SHISA9: variants seen among roughly 807,000 people sequenced by gnomAD.
SHISA9 encodes the protein protein shisa-9.
SHISA9 carries 13 observed loss-of-function variants against 38.0 expected under a neutral mutation model. The observed-to-expected ratio is 0.34, with a 90% CI of 0.22 to 0.54. The LOEUF (loss-of-function observed/expected upper bound fraction) is 0.54, where lower values mean the gene tolerates loss of function less well. Ranked by LOEUF, SHISA9 falls within the 20% of genes least tolerant of loss-of-function variation. The probability of loss-of-function intolerance (pLI) is 0.91; values close to 1 mark genes in which losing one functional copy is unlikely to be tolerated. For missense variants in SHISA9, 538 were observed against 575.8 expected (o/e 0.93, Z 0.67); for synonymous variants, 275 against 242.0 (o/e 1.14, Z -1.27).
chr16:13,471,591 A>G, the SHISA9 span, among the ~76,000 whole-genome samples: 7 of 152,270 alleles, frequency 4.6e-5, no homozygotes, highest in East Asian at 5.8e-4. Context: ...GAATGCATCA[A>G]TTGAGGTGGC....
chr16:13,279,896 A>G, the SHISA9 span, among the ~76,000 whole-genome samples: 1 of 151,994 alleles, frequency 6.6e-6, no homozygotes, highest in East Asian at 1.9e-4. Context: ...CAATTTTGTT[A>G]GGATGTATAG....
Position 13,022,435 on chromosome 16 carries a change from G to A in SHISA9, c.691+105620G>A, listed in dbSNP as rs149432417. On this transcript the variant is annotated intron_variant, in intron 2 of 4. Transcript: ENST00000558583. ...CAACCTCTGCCTCCCGGGTTCACGC[G>A]ATTCTCCTGCCTCAGCCTCCCAAGT... Among the ~76,000 whole-genome samples the A allele has an allele frequency of 6.6e-3, 1,005 of 152,072 alleles. 7 individuals are homozygous for A. The highest frequency in any genetic ancestry group is 0.021 in the Middle Eastern group (6 of 290).
chr16:13,192,523 A>C (rs1443809364), intron 2 of SHISA9, among the ~76,000 whole-genome samples: 5 of 152,010 alleles, frequency 3.3e-5, no homozygotes, highest in African/African-American at 4.8e-5. Context: ...AACCAAGCTG[A>C]AGAGGCAAGC....
the SHISA9 span, among the ~76,000 whole-genome samples, chr16:13,472,582 T>C: frequency 2.3e-4 from 35 of 151,844 alleles, no homozygotes; most frequent in East Asian, 2.7e-3. Flanking sequence ...TTAGTAGAGA[T>C]GGGGTTTCAC....
the SHISA9 span, among the ~76,000 whole-genome samples, chr16:13,391,516 T>A: frequency 6.6e-6 from 1 of 152,212 alleles, no homozygotes; most frequent in Non-Finnish European, 1.5e-5. Flanking sequence ...TGCCGTGCCA[T>A]CTGCAGTCAA....
At chr16:13,395,912 G>T in the SHISA9 span, among the ~76,000 whole-genome samples, 1 of 152,166 alleles carries the variant, frequency 6.6e-6, no homozygotes, top group African/African-American at 2.4e-5. Context: ...TAGGTAACGT[G>T]TTCAGGGTCA....
the SHISA9 span, among the ~76,000 whole-genome samples, chr16:13,489,189 A>G: frequency 2.6e-5 from 4 of 151,986 alleles, no homozygotes; most frequent in Non-Finnish European, 5.9e-5. Flanking sequence ...CTGGGATTAC[A>G]AGCGCATGCC....
At chr16:13,416,637 A>G in the SHISA9 span, among the ~76,000 whole-genome samples, 1 of 151,958 alleles carries the variant, frequency 6.6e-6, no homozygotes, top group Non-Finnish European at 1.5e-5. Flanking sequence ...GCTTGAATCC[A>G]GGAGTTCGAG....
chr16:13,079,132 C>G (rs1223113571), intron 2 of SHISA9, among the ~76,000 whole-genome samples: 1 of 152,118 alleles, frequency 6.6e-6, no homozygotes, highest in East Asian at 1.9e-4. Flanking sequence ...GGCATGGAAC[C>G]TATGTGAAAT....
the SHISA9 span, among the ~76,000 whole-genome samples, chr16:13,251,523 T>A: frequency 6.6e-6 from 1 of 152,086 alleles, no homozygotes; most frequent in South Asian, 2.1e-4. Context: ...GAGAGGGGTA[T>A]TGGAGATTAG....
intron 2 of SHISA9, among the ~76,000 whole-genome samples, chr16:13,081,467 A>G (rs2073648875): frequency 6.6e-6 from 1 of 152,170 alleles, no homozygotes; most frequent in Admixed American, 6.5e-5. Flanking sequence ...ATTATAAATT[A>G]TTTAGGTAGA....
chr16:13,504,236 T>G, the SHISA9 span, among the ~76,000 whole-genome samples: 1 of 152,094 alleles, frequency 6.6e-6, no homozygotes, highest in African/African-American at 2.4e-5. Flanking sequence ...AATACCCAAA[T>G]TGCAGTAAGA....
chr16:13,073,956 CGTTTTTTTTTTT>C (rs1202713238), intron 2 of SHISA9, among the ~76,000 whole-genome samples: 88 of 110,160 alleles, frequency 8.0e-4, no homozygotes, highest in African/African-American at 3.2e-3. Flanking sequence ...TTCTGCTGGT[CGTTTTTTTTTTT>C]GTTTTTTTTT....
At chr16:13,357,610 G>C in the SHISA9 span, among the ~76,000 whole-genome samples, 1 of 152,326 alleles carries the variant, frequency 6.6e-6, no homozygotes, top group African/African-American at 2.4e-5. Context: ...CACCAAACAG[G>C]CTTTGTGTGA....
chr16:13,476,746 T>TTG, the SHISA9 span, among the ~76,000 whole-genome samples: 4 of 111,036 alleles, frequency 3.6e-5, no homozygotes, highest in East Asian at 3.5e-4. Flanking sequence ...GTGTTTTTTT[T>TTG]TTTTTTTTTT....
intron 2 of SHISA9, among the ~76,000 whole-genome samples, chr16:12,920,140 A>G (rs745831890): frequency 3.4e-5 from 5 of 148,668 alleles, no homozygotes; most frequent in Non-Finnish European, 7.4e-5. Flanking sequence ...TTCACAGCAC[A>G]CTTCTTGAAA....
At chr16:13,162,482 A>C (rs1363829111) in intron 2 of SHISA9, among the ~76,000 whole-genome samples, 1 of 152,216 alleles carries the variant, frequency 6.6e-6, no homozygotes, top group Admixed American at 6.5e-5. Context: ...CACTGCGCTG[A>C]GCATACAGTA....
chr16:13,454,570 C>T, the SHISA9 span, among the ~76,000 whole-genome samples: 2 of 152,144 alleles, frequency 1.3e-5, no homozygotes, highest in Admixed American at 1.3e-4. Context: ...GAGGAAGACT[C>T]AGGAAGAAAT....
At chr16:13,321,645 C>T in the SHISA9 span, among the ~76,000 whole-genome samples, 1 of 152,150 alleles carries the variant, frequency 6.6e-6, no homozygotes, top group Admixed American at 6.5e-5. Context: ...TTATGTGTTG[C>T]ATATTGTACA....
Sources: allele counts gnomAD v4.1 joint callset (sites outside exome capture counted in the v4.1 genomes callset), GRCh38; gene constraint gnomAD v4.1.1; transcripts MANE v1.5; gene names NCBI Gene and HGNC (gene_info 2026-07-23, HGNC 2026-07-21).